The following STRN variants were observed in gnomAD, a reference collection of about 807,000 sequenced individuals.
STRN encodes the protein striatin.
STRN carries 53 observed loss-of-function variants against 96.3 expected under a neutral mutation model. The observed-to-expected ratio is 0.55, with a 90% CI of 0.44 to 0.69. The LOEUF (loss-of-function observed/expected upper bound fraction) is 0.69, where lower values mean the gene tolerates loss of function less well. Ranked by LOEUF, STRN falls within the 30% of genes least tolerant of loss-of-function variation. The pLI, the probability that STRN is intolerant of heterozygous loss-of-function variation, is 0.00. For missense variants in STRN, 987 were observed against 963.9 expected, an observed-to-expected ratio of 1.02 and a Z score of -0.32; for synonymous variants, 428 against 355.9, an observed-to-expected ratio of 1.20 and a Z score of -2.28.
chr2:36,849,305 G>T lies in STRN; in HGVS notation c.*151C>A. ...ACCTTAGTTTTAGAAAACAGTATATGAATTGCAAAACTATACTTCAACAAA... is the reference window on the plus strand; with the variant it reads ...ACCTTAGTTTTAGAAAACAGTATATTAATTGCAAAACTATACTTCAACAAA... On this transcript the variant is annotated 3_prime_UTR_variant, in exon 18 of 18. Transcript: ENST00000263918. 2 of 901,156 alleles carry T rather than the reference G, an allele frequency of 2.2e-6. No homozygotes were observed. Among genetic ancestry groups the T allele is most frequent in the Non-Finnish European group, 3.3e-6 (2 of 610,598 alleles). The allele number at this position is 901,156 out of a possible 1,614,324, so 55.8% of individuals were successfully genotyped here.
chr2:36,959,610 G>C (rs574930825), intron 1 of STRN, among the ~76,000 whole-genome samples: 1 of 152,256 alleles, frequency 6.6e-6, no homozygotes, highest in East Asian at 1.9e-4. Context: ...CAGTCAGAAG[G>C]AGGTGATTCA....
intron 1 of STRN, among the ~76,000 whole-genome samples, chr2:36,959,967 G>A (rs1664987384): frequency 6.6e-6 from 1 of 152,076 alleles, no homozygotes; most frequent in African/African-American, 2.4e-5. Context: ...GAACTGAAGA[G>A]ACAAATAATA....
intron 10 of STRN, among the ~76,000 whole-genome samples, chr2:36,874,730 A>AACC (rs1553395097): frequency 1.3e-5 from 2 of 149,532 alleles, no homozygotes; most frequent in African/African-American, 5.0e-5. Flanking sequence ...AAAAAAAAAA[A>AACC]AAAAAAAAAA....
intron 3 of STRN, 41 bp from the exon 4 acceptor site, chr2:36,905,659 G>A (rs760743014): frequency 7.5e-5 from 114 of 1,510,628 alleles, no homozygotes; most frequent in East Asian, 9.0e-5. Flanking sequence ...CTTGTTTTAC[G>A]TATTAGAGGG....
chr2:36,851,919 TA>T (rs1169056484), intron 15 of STRN, among the ~76,000 whole-genome samples: 1 of 152,248 alleles, frequency 6.6e-6, no homozygotes, highest in Non-Finnish European at 1.5e-5. Context: ...TTTGGAATCC[TA>T]AAAGTCAGCA....
intron 1 of STRN, among the ~76,000 whole-genome samples, chr2:36,941,843 G>A (rs943124813): frequency 6.6e-5 from 10 of 151,754 alleles, no homozygotes; most frequent in South Asian, 4.2e-4. Flanking sequence ...GTGAGCCACC[G>A]CACCCAGCCC....
At chr2:36,897,019 C>G (rs1040659968) in intron 6 of STRN, among the ~76,000 whole-genome samples, 5 of 151,914 alleles carry the variant, frequency 3.3e-5, no homozygotes, top group African/African-American at 9.6e-5. Flanking sequence ...AATACAGCAT[C>G]AGCCGGGTGT....
intron 1 of STRN, among the ~76,000 whole-genome samples, chr2:36,958,444 A>AT (rs1489112571): frequency 6.6e-6 from 1 of 152,176 alleles, no homozygotes; most frequent in Non-Finnish European, 1.5e-5. Context: ...ACAGAACAAT[A>AT]TTTTTTTAAG....
chr2:36,879,535 C>G (rs752581900), intron 9 of STRN, among the ~76,000 whole-genome samples: 3 of 152,082 alleles, frequency 2.0e-5, no homozygotes, highest in Admixed American at 1.3e-4. Context: ...CAGTTAAAAG[C>G]AATATGTCTA....
chr2:36,857,741 T>C, intron 14 of STRN, 115 bp downstream of exon 14: 1 of 875,480 alleles, frequency 1.1e-6, no homozygotes. Context: ...TTTCGTGGCT[T>C]CAAAAACTTT....
chr2:36,952,592 C>G (rs892068160), intron 1 of STRN, among the ~76,000 whole-genome samples: 5 of 152,158 alleles, frequency 3.3e-5, no homozygotes, highest in African/African-American at 1.2e-4. Flanking sequence ...ATATCTACCA[C>G]ATACAGTTTT....
chr2:36,929,645 A>T (rs1175720402), intron 1 of STRN, among the ~76,000 whole-genome samples: 2 of 152,148 alleles, frequency 1.3e-5, no homozygotes, highest in Non-Finnish European at 2.9e-5. Context: ...AGCCTCCCTA[A>T]GCGCTGGGAT....
rs757473209 is a variant in STRN at position 36,849,482 on chromosome 2, C to G, written c.2317G>C (p.Asp773His). 6.2e-7 allele frequency: 1 copy of G among 1,614,080 alleles called. No individual in the cohort carries two copies. The highest frequency in any genetic ancestry group is 1.1e-5 in the South Asian group (1 of 91,070). The change falls in exon 18 of 18, where the codon GAC (aspartate) becomes CAC (histidine). Residue 773 changes from aspartate (D) to histidine (H), a missense_variant. Asp to His is a moderately conservative substitution (Grantham distance 81). Transcript: ENST00000263918. Reference protein sequence around the residue: ...SKCYIASAGADALAKVFV With the variant: ...SKCYIASAGAHALAKVFV ...CATACAAAGACTTTAGCCAGTGCGTCAGCTCCAGCACTGGCTATATAGCAT... is the reference window on the plus strand; with the variant it reads ...CATACAAAGACTTTAGCCAGTGCGTGAGCTCCAGCACTGGCTATATAGCAT...
chr2:36,917,585 A>G (rs1042783647), intron 2 of STRN, among the ~76,000 whole-genome samples: 23 of 151,928 alleles, frequency 1.5e-4, no homozygotes, highest in African/African-American at 5.5e-4. Flanking sequence ...GAAATGAAAA[A>G]TTATTTGCTC....
chr2:36,841,089 C>A lies in STRN; in HGVS notation c.*8367G>T, dbSNP rs573622042. ...GAAAGCAATGATGTTTCTAAAGATTCTCTTATTTTTTAATTGTGATTAGTA... is the reference window on the plus strand; with the variant it reads ...GAAAGCAATGATGTTTCTAAAGATTATCTTATTTTTTAATTGTGATTAGTA... On this transcript the variant is annotated 3_prime_UTR_variant, in exon 18 of 18. Coordinates refer to ENST00000263918, the MANE Select transcript of STRN (RefSeq NM_003162.4). 3.3e-5 allele frequency: 5 copies of A among 151,962 alleles called. No individual in the cohort carries two copies. The highest frequency in any genetic ancestry group is 1.2e-4 in the African/African-American group (5 of 41,422). 9.4% of individuals were successfully genotyped at this position (151,962 alleles called of 1,614,324 possible). A position where few individuals can be genotyped will look rare whatever the true frequency, so the allele number is the denominator to read the frequency against.
intron 14 of STRN, among the ~76,000 whole-genome samples, chr2:36,857,518 AAC>A (rs1668375787): frequency 6.6e-6 from 1 of 151,732 alleles, no homozygotes; most frequent in African/African-American, 2.4e-5. Flanking sequence ...CTACTAAAAA[AAC>A]TACAAAAATT....
intron 1 of STRN, among the ~76,000 whole-genome samples, chr2:36,955,467 C>T (rs956106226): frequency 9.2e-5 from 14 of 152,106 alleles, no homozygotes; most frequent in African/African-American, 2.4e-4. Context: ...TTATAAGTGC[C>T]GAAATGAAAA....
chr2:36,959,161 T>G lies in STRN; in HGVS notation c.234+7069A>C, dbSNP rs546559145. ...ATACTGTGACACATCATAATGAAACTACATAACACCAAAGACAGAGAAAAT... is the reference window on the plus strand; with the variant it reads ...ATACTGTGACACATCATAATGAAACGACATAACACCAAAGACAGAGAAAAT... On this transcript the variant is annotated intron_variant, in intron 1 of 17. Coordinates refer to ENST00000263918, the MANE Select transcript of STRN (RefSeq NM_003162.4). 2.0e-5 allele frequency among the ~76,000 whole-genome samples: 3 copies of G among 152,136 alleles called. No individual in the cohort carries two copies. The East Asian group carries it at 5.8e-4, about 29-fold the overall frequency.
chr2:36,896,410 G>C (rs1259666915), intron 6 of STRN, among the ~76,000 whole-genome samples: 1 of 152,164 alleles, frequency 6.6e-6, no homozygotes, highest in African/African-American at 2.4e-5. Context: ...GAAGAAAAAT[G>C]AATTGTGTTT....
Sources: gnomAD v4.1 joint callset for allele counts (sites outside exome capture counted in the v4.1 genomes callset) on GRCh38, gnomAD v4.1.1 for gene constraint, MANE v1.5 for transcripts, NCBI Gene and HGNC (gene_info 2026-07-23, HGNC 2026-07-21) for gene names.